Variants in AGO3 observed in about 807,000 individuals in gnomAD.
AGO3 encodes the protein argonaute RISC catalytic component 3, also known as protein argonaute-3.
In AGO3, 16 loss-of-function variants were observed where a neutral mutation model predicts 105.5. That is an observed-to-expected ratio of 0.15 (90% CI 0.10 to 0.23). AGO3 has a LOEUF of 0.23. Among genes scored for constraint, AGO3 ranks in the 10% least tolerant of loss-of-function variants. The pLI, the probability that AGO3 is intolerant of heterozygous loss-of-function variation, is 1.00. For synonymous variants in AGO3, 340 were observed against 367.3 expected, an observed-to-expected ratio of 0.93 and a Z score of 0.85; for missense variants, 534 against 1,088.0, an observed-to-expected ratio of 0.49 and a Z score of 7.16.
intron 9 of AGO3, among the ~76,000 whole-genome samples, chr1:36,009,861 G>A (rs1246970195): frequency 6.6e-6 from 1 of 151,574 alleles, no homozygotes; most frequent in African/African-American, 2.4e-5. Context: ...TTAGTAAACT[G>A]GAACCTCCAC....
rs115169120 is a variant in AGO3 at position 35,968,299 on chromosome 1, C to T, written c.312+1224C>T. The stretch of plus-strand genomic sequence containing the variant: ...AAAACATATGTAACATAAAATTTAC[C>T]GTCTTAACCATTTTTAAGGTATATT... On this transcript the variant is annotated intron_variant, in intron 3 of 18. Coordinates refer to ENST00000373191, the MANE Select transcript of AGO3 (RefSeq NM_024852.4). Among the ~76,000 whole-genome samples the T allele has an allele frequency of 7.2e-3, 1,100 of 152,040 alleles. 11 individuals carry two copies. The highest frequency in any genetic ancestry group is 0.013 in the Non-Finnish European group (858 of 67,974).
chr1:36,012,310 G>A (rs1281643745), intron 9 of AGO3, among the ~76,000 whole-genome samples: 35 of 148,286 alleles, frequency 2.4e-4, no homozygotes, highest in African/African-American at 7.7e-4. Context: ...ATGACAGAGC[G>A]AGACCCTGTC....
intron 9 of AGO3, 147 bp downstream of exon 9, chr1:36,009,741 T>C: frequency 3.4e-6 from 3 of 880,318 alleles, no homozygotes; most frequent in Non-Finnish European, 4.9e-6. Context: ...TCTAATGTTC[T>C]TGATACAAGC....
chr1:36,045,650 C>G (rs534237698), intron 17 of AGO3, among the ~76,000 whole-genome samples: 17 of 152,014 alleles, frequency 1.1e-4, no homozygotes, highest in Non-Finnish European at 1.9e-4. Context: ...TCAAGCGATT[C>G]TTCTGCCTCA....
chr1:36,053,130 A>AT (rs1209964418), intron 17 of AGO3, among the ~76,000 whole-genome samples: 3 of 151,946 alleles, frequency 2.0e-5, no homozygotes, highest in African/African-American at 7.3e-5. Context: ...TGTTAAACAG[A>AT]TTTTTTTTAT....
intron 2 of AGO3, among the ~76,000 whole-genome samples, chr1:35,952,555 C>T (rs1327052479): frequency 1.3e-5 from 2 of 152,166 alleles, no homozygotes; most frequent in African/African-American, 4.8e-5. Flanking sequence ...TATATTCAGG[C>T]ACTGCATAAC....
intron 3 of AGO3, among the ~76,000 whole-genome samples, chr1:35,969,536 CTATT>C (rs1557657054): frequency 6.6e-6 from 1 of 152,108 alleles, no homozygotes; most frequent in South Asian, 2.1e-4. Flanking sequence ...TTCTTTTACT[CTATT>C]TATTGATTTC....
intron 5 of AGO3, 64 bp downstream of exon 5, chr1:35,973,575 AT>A: frequency 7.4e-7 from 1 of 1,348,538 alleles, no homozygotes; most frequent in East Asian, 2.7e-5. Context: ...GTGTACATAA[AT>A]TTTATATATA....
chr1:36,071,982 T>G lies in AGO3; in HGVS notation c.*16237T>G, dbSNP rs1643171894. ...TGGATTTGGTTGTCATTTAAACTCC[T>G]TGAAGATTATATGTAATTATAATGA... On this transcript the variant is annotated 3_prime_UTR_variant, in exon 19 of 19. Transcript: ENST00000373191. 1 of 152,250 alleles carries G rather than the reference T, an allele frequency of 6.6e-6. No homozygotes were observed. The highest frequency in any genetic ancestry group is 2.1e-4 in the South Asian group (1 of 4,834). The allele number at this position is 152,250 out of a possible 1,614,324, so 9.4% of individuals were successfully genotyped here.
chr1:35,965,743 A>G (rs1646761511), intron 2 of AGO3, among the ~76,000 whole-genome samples: 1 of 151,828 alleles, frequency 6.6e-6, no homozygotes, highest in African/African-American at 2.4e-5. Context: ...CTGGGTATCC[A>G]GTCAGCTTGA....
rs558969241 is a variant in AGO3 at position 35,943,704 on chromosome 1, A to G, written c.20-1988A>G. 5.2e-4 allele frequency among the ~76,000 whole-genome samples: 78 copies of G among 151,282 alleles called. 1 individual carries two copies. The South Asian group carries it at 0.013, about 24-fold the overall frequency. On this transcript the variant is annotated intron_variant, in intron 1 of 18. Transcript: ENST00000373191. ...CTGTAACCTCCACCTCCGGGGCTCAAGCGATTCTACCACCTCAGTCTTCTG... is the reference window on the plus strand; with the variant it reads ...CTGTAACCTCCACCTCCGGGGCTCAGGCGATTCTACCACCTCAGTCTTCTG...
chr1:36,014,139 T>C, intron 11 of AGO3, 91 bp downstream of exon 11: 2 of 1,539,294 alleles, frequency 1.3e-6, no homozygotes, highest in Non-Finnish European at 1.8e-6. Context: ...TGCCTTAATA[T>C]GAAGTATATG....
At chr1:36,040,548 G>T (rs1642200397) in intron 16 of AGO3, 107 bp downstream of exon 16, 1 of 1,246,142 alleles carries the variant, frequency 8.0e-7, no homozygotes, top group East Asian at 2.3e-5. Flanking sequence ...CCAATATATA[G>T]TAGCAAATTT....
intron 1 of AGO3, among the ~76,000 whole-genome samples, chr1:35,943,301 C>CTTTT (rs533801617): frequency 1.6e-5 from 2 of 124,428 alleles, no homozygotes; most frequent in African/African-American, 3.0e-5. Flanking sequence ...CCATGCCCAT[C>CTTTT]TTTTTTTTTT....
At chr1:35,972,528 T>G (rs987054869) in intron 4 of AGO3, among the ~76,000 whole-genome samples, 6 of 152,246 alleles carry the variant, frequency 3.9e-5, no homozygotes, top group South Asian at 2.1e-4. Context: ...CAGATGTATT[T>G]ATTTAGTTAT....
chr1:36,001,691 T>G (rs1196286536), intron 5 of AGO3, among the ~76,000 whole-genome samples: 1 of 152,228 alleles, frequency 6.6e-6, no homozygotes, highest in Non-Finnish European at 1.5e-5. Flanking sequence ...TGATTTCATC[T>G]AAAAAGTTAT....
At chr1:35,968,677 A>G (rs1646814269) in intron 3 of AGO3, among the ~76,000 whole-genome samples, 1 of 152,206 alleles carries the variant, frequency 6.6e-6, no homozygotes, top group Non-Finnish European at 1.5e-5. Context: ...CCTTTTGGCT[A>G]TTGCAAATAA....
intron 14 of AGO3, among the ~76,000 whole-genome samples, chr1:36,039,510 AAAAAAAG>A (rs1642159760): frequency 6.8e-6 from 1 of 147,806 alleles, no homozygotes; most frequent in African/African-American, 2.6e-5. Context: ...AAAAAAAAAA[AAAAAAAG>A]AGAGAAAGAG....
chr1:36,038,458 T>C (rs1642110844), intron 14 of AGO3, among the ~76,000 whole-genome samples: 1 of 152,090 alleles, frequency 6.6e-6, no homozygotes, highest in South Asian at 2.1e-4. Context: ...GGTTTCACTG[T>C]GTTAGCCAGG....
Sources: allele counts gnomAD v4.1 joint callset (sites outside exome capture counted in the v4.1 genomes callset), GRCh38; gene constraint gnomAD v4.1.1; transcripts MANE v1.5; gene names NCBI Gene and HGNC (gene_info 2026-07-23, HGNC 2026-07-21).